COL11A1: variants seen among roughly 807,000 people sequenced by gnomAD.
COL11A1 encodes collagen type XI alpha 1 chain, also known as collagen alpha-1(XI) chain.
A neutral mutation model predicts 265.2 loss-of-function variants in COL11A1; 74 were observed. The observed-to-expected ratio is 0.28, with a 90% confidence interval of 0.23 to 0.34. The LOEUF (loss-of-function observed/expected upper bound fraction) is 0.34, where lower values mean the gene tolerates loss of function less well. Ranked by LOEUF, COL11A1 falls within the 10% of genes least tolerant of loss-of-function variation. The pLI is 1.00. For synonymous variants in COL11A1, 816 were observed against 727.6 expected (o/e 1.12, Z -1.96); for missense variants, 2,165 against 2,263.6 (o/e 0.96, Z 0.88).
At chr1:103,051,525 G>A (rs1669826094) in intron 4 of COL11A1, among the ~76,000 whole-genome samples, 1 of 152,206 alleles carries the variant, frequency 6.6e-6, no homozygotes, top group South Asian at 2.1e-4. Context: ...GACTAGGAAA[G>A]GGAATTCCCT....
At chr1:103,034,904 A>G (rs1284215573) in intron 4 of COL11A1, among the ~76,000 whole-genome samples, 2 of 151,974 alleles carry the variant, frequency 1.3e-5, no homozygotes, top group Admixed American at 1.3e-4. Flanking sequence ...TCATTTAGTG[A>G]TTTCCTTGAA....
chr1:103,093,281 G>C (rs1673471618), intron 1 of COL11A1, among the ~76,000 whole-genome samples: 1 of 152,080 alleles, frequency 6.6e-6, no homozygotes, highest in African/African-American at 2.4e-5. Flanking sequence ...ATTTTAGAAA[G>C]AGGTCTGCTT....
chr1:102,896,005 T>C (rs924566912), intron 57 of COL11A1, among the ~76,000 whole-genome samples: 2 of 151,982 alleles, frequency 1.3e-5, no homozygotes, highest in Non-Finnish European at 2.9e-5. Context: ...ATATTTATCA[T>C]TATTTCATTC....
intron 1 of COL11A1, among the ~76,000 whole-genome samples, chr1:103,099,037 G>A (rs1373554041): frequency 6.6e-6 from 1 of 151,728 alleles, no homozygotes; most frequent in Non-Finnish European, 1.5e-5. Context: ...CAAGTCATTA[G>A]CAATGTCAAC....
At chr1:102,920,177 T>C in intron 49 of COL11A1, 134 bp downstream of exon 49, 2 of 870,888 alleles carry the variant, frequency 2.3e-6, no homozygotes, top group South Asian at 2.7e-5. Flanking sequence ...TTGCAACTAC[T>C]AGATGACATG....
At chr1:102,942,018 C>T (rs1658775294) in intron 42 of COL11A1, among the ~76,000 whole-genome samples, 1 of 152,068 alleles carries the variant, frequency 6.6e-6, no homozygotes, top group South Asian at 2.1e-4. Context: ...TATTACTTGC[C>T]TGGGTTTCAT....
At chr1:102,978,045 T>C (rs2101674307) in intron 35 of COL11A1, among the ~76,000 whole-genome samples, 1 of 152,294 alleles carries the variant, frequency 6.6e-6, no homozygotes, top group East Asian at 1.9e-4. Flanking sequence ...TGAAAATTAT[T>C]ATAGAATATG....
In COL11A1 at chr1:103,021,710, C is replaced by G; in HGVS notation, c.1305G>C (p.Glu435Asp). ...GTGTATTCACACTACTACTTACAGGCTCAACCACTGCTGGTTCTCCTTTCT... is the reference window on the plus strand; with the variant it reads ...GTGTATTCACACTACTACTTACAGGGTCAACCACTGCTGGTTCTCCTTTCT... ...KGQKGEPAVV[E>D]PGMLVEGPPG... Residue 435 changes from glutamate (E) to aspartate (D), a missense_variant, in exon 9 of 67, where the codon GAG (glutamate) becomes GAC (aspartate). Physicochemically the swap from Glu to Asp is conservative, Grantham distance 45. Transcript: ENST00000370096. The G allele has an allele frequency of 6.2e-7, 1 of 1,609,384 alleles. No individual in the cohort carries two copies. Among genetic ancestry groups the G allele is most frequent in the Non-Finnish European group, 8.5e-7 (1 of 1,175,708 alleles).
At chr1:102,933,660 T>C (rs1412976129) in intron 46 of COL11A1, among the ~76,000 whole-genome samples, 1 of 152,186 alleles carries the variant, frequency 6.6e-6, no homozygotes, top group African/African-American at 2.4e-5. Flanking sequence ...TAAGCAAGCC[T>C]GGGCAATGGC....
rs759091446 is a variant in COL11A1 at position 102,889,480 on chromosome 1, C to T, written c.4439G>A (p.Gly1480Glu). Residue 1480 changes from glycine to glutamate, a missense_variant, in exon 59 of 67, where the codon GGA (glycine) becomes GAA (glutamate). Transcript: ENST00000370096. ...CCCATCCCCTTTTGCTCCTGGAGATCCTTGAGTTCCAGGGAGCCCTCGGTC... is the reference window on the plus strand; with the variant it reads ...CCCATCCCCTTTTGCTCCTGGAGATTCTTGAGTTCCAGGGAGCCCTCGGTC... ...KGDRGLPGTQ[G>E]SPGAKGDGGI... The T allele has an allele frequency of 1.9e-6, 3 of 1,612,932 alleles. No individual in the cohort carries two copies. Among genetic ancestry groups the T allele is most frequent in the South Asian group, 1.1e-5 (1 of 91,046 alleles).
At chr1:103,031,353 A>G (rs1667986526) in intron 4 of COL11A1, 109 bp from the exon 5 acceptor site, 1 of 1,294,222 alleles carries the variant, frequency 7.7e-7, no homozygotes, top group Non-Finnish European at 1.1e-6. Context: ...TTGAAGAAGA[A>G]AAATGACCTA....
chr1:102,954,828 G>A (rs1196247240), intron 41 of COL11A1, among the ~76,000 whole-genome samples: 1 of 140,590 alleles, frequency 7.1e-6, no homozygotes, highest in African/African-American at 2.6e-5. Context: ...TGGGCGACAA[G>A]AGCGAAACTC....
intron 6 of COL11A1, 169 bp from the exon 7 acceptor site, chr1:103,025,782 T>G: frequency 1.2e-6 from 2 of 1,612,524 alleles, no homozygotes; most frequent in African/African-American, 1.3e-5. Flanking sequence ...TAGATCTTGA[T>G]TGCTTTTTCT....
chr1:102,962,171 T>A lies in COL11A1; in HGVS notation c.3114+5A>T, dbSNP rs960739789. ...TTGCTTTATCTATATAGATATTGAT[T>A]ATACCTGAGCTCCAGGAAGACCTCT... On this transcript the variant is annotated splice_donor_5th_base_variant and intron_variant, in intron 40 of 66. Coordinates refer to ENST00000370096, the MANE Select transcript of COL11A1 (RefSeq NM_001854.4). The A allele has an allele frequency of 1.2e-6, 2 of 1,606,136 alleles. No individual in the cohort carries two copies. Among genetic ancestry groups the A allele is most frequent in the African/African-American group, 2.7e-5 (2 of 74,718 alleles).
Position 103,030,562 on chromosome 1 carries a change from A to G in COL11A1, c.780+554T>C, listed in dbSNP as rs531343675. The stretch of plus-strand genomic sequence containing the variant: ...GTCTTAAAAATTCAAAATCCAAAAA[A>G]AAAAAATCCAAAAATATAGTTTTGC... On this transcript the variant is annotated intron_variant, in intron 5 of 66. Coordinates refer to ENST00000370096, the MANE Select transcript of COL11A1 (RefSeq NM_001854.4). Among the ~76,000 whole-genome samples the G allele has an allele frequency of 2.6e-5, 4 of 152,154 alleles. No homozygotes were observed. In the South Asian group the frequency reaches 8.3e-4, roughly 32 times the overall value.
intron 4 of COL11A1, among the ~76,000 whole-genome samples, chr1:103,051,295 G>C (rs1044684349): frequency 2.1e-4 from 32 of 152,296 alleles, no homozygotes; most frequent in Admixed American, 5.9e-4. Flanking sequence ...TCAAGTCTTG[G>C]CAATGGCGGG....
chr1:102,981,079 A>G (rs1161310605), intron 31 of COL11A1, among the ~76,000 whole-genome samples: 1 of 152,142 alleles, frequency 6.6e-6, no homozygotes, highest in African/African-American at 2.4e-5. Flanking sequence ...ATTGTATGTG[A>G]TGCCCTATGG....
chr1:102,946,961 T>C lies in COL11A1; in HGVS notation c.3169-5A>G, dbSNP rs778254056. 1.9e-6 allele frequency: 3 copies of C among 1,607,544 alleles called. No individual in the cohort carries two copies. In the South Asian group the frequency reaches 3.3e-5, roughly 18 times the overall value. On this transcript the variant is annotated splice_region_variant and splice_polypyrimidine_tract_variant and intron_variant, in intron 41 of 66. Transcript: ENST00000370096. ...CCCACGTTCTCCTGGTGAGCCCTAGTATACAGGAAAAGAAGTATTTTGTTA... is the reference window on the plus strand; with the variant it reads ...CCCACGTTCTCCTGGTGAGCCCTAGCATACAGGAAAAGAAGTATTTTGTTA...
intron 46 of COL11A1, among the ~76,000 whole-genome samples, chr1:102,932,773 T>C (rs1221978120): frequency 2.0e-5 from 3 of 151,440 alleles, no homozygotes; most frequent in African/African-American, 7.3e-5. Flanking sequence ...CCATATTTCT[T>C]GGAGGCTTTG....
Sources: allele counts gnomAD v4.1 joint callset (sites outside exome capture counted in the v4.1 genomes callset), GRCh38; gene constraint gnomAD v4.1.1; transcripts MANE v1.5; gene names NCBI Gene and HGNC (gene_info 2026-07-23, HGNC 2026-07-21).